Variants in DLGAP2 observed in about 807,000 individuals in gnomAD.
DLGAP2 encodes DLG associated protein 2, also known as disks large-associated protein 2.
In DLGAP2, 26 loss-of-function variants were observed where a neutral mutation model predicts 100.3. The ratio of observed to expected loss-of-function variants is 0.26; its 90% confidence interval spans 0.19 to 0.36. DLGAP2 has a LOEUF of 0.36. Among genes scored for constraint, DLGAP2 ranks in the 10% least tolerant of loss-of-function variants. The pLI is 1.00. For missense variants in DLGAP2, 1,858 were observed against 1,453.2 expected (o/e 1.28, Z -4.53); for synonymous variants, 886 against 630.1 (o/e 1.41, Z -6.08).
chr8:1,172,618 C>G (rs1487892726), intron 2 of DLGAP2, among the ~76,000 whole-genome samples: 1 of 152,144 alleles, frequency 6.6e-6, no homozygotes, highest in Non-Finnish European at 1.5e-5. Flanking sequence ...TCCCTTCTCA[C>G]TTCATTTCAT....
intron 8 of DLGAP2, among the ~76,000 whole-genome samples, chr8:1,641,534 G>C (rs74476163): frequency 1.3e-5 from 2 of 152,116 alleles, no homozygotes; most frequent in African/African-American, 2.4e-5. Flanking sequence ...CTAGAGCCAC[G>C]GGTTCCTGAC....
rs759602888 is a variant in DLGAP2, at chr8:1,548,651, G to A, written c.198G>A (p.Thr66=). ...DLDPQYSWSP[T]QHFNEERYSP... is the part of the protein sequence containing the mutation. ...ACCCGCAGTACTCATGGTCGCCCAC[G>A]CAGCACTTCAATGAGGAGCGCTACT... Residue 66 remains threonine, a synonymous_variant, in exon 5 of 15, where the codon ACG becomes ACA. Coordinates refer to ENST00000637795, the MANE Select transcript of DLGAP2 (RefSeq NM_001346810.2). The A allele has an allele frequency of 3.2e-6, 5 of 1,568,746 alleles. No homozygotes were observed. Among genetic ancestry groups the A allele is most frequent in the Non-Finnish European group, 4.3e-6 (5 of 1,158,362 alleles).
intron 3 of DLGAP2, among the ~76,000 whole-genome samples, chr8:1,333,139 C>T (rs1257136123): frequency 6.6e-6 from 1 of 152,156 alleles, no homozygotes; most frequent in Non-Finnish European, 1.5e-5. Context: ...CGGCTGCAGG[C>T]GTGAGCACAA....
chr8:1,094,002 C>G (rs776254083), intron 2 of DLGAP2, among the ~76,000 whole-genome samples: 14 of 108,208 alleles, frequency 1.3e-4, no homozygotes, highest in Non-Finnish European at 1.8e-4. Context: ...GGGCAGCTCC[C>G]CGGTGGAGGG....
intron 2 of DLGAP2, among the ~76,000 whole-genome samples, chr8:949,351 C>G (rs993898330): frequency 6.6e-6 from 1 of 152,194 alleles, no homozygotes; most frequent in Non-Finnish European, 1.5e-5. Flanking sequence ...AGACACCACG[C>G]TGGATAGTCC....
At chr8:1,543,103 G>T (rs1391472428) in intron 4 of DLGAP2, among the ~76,000 whole-genome samples, 4 of 152,198 alleles carry the variant, frequency 2.6e-5, no homozygotes, top group African/African-American at 9.7e-5. Flanking sequence ...CTGGATTCAA[G>T]TTCCTTCACA....
At chr8:1,216,973 A>G (rs1322930328) in intron 2 of DLGAP2, among the ~76,000 whole-genome samples, 1 of 151,960 alleles carries the variant, frequency 6.6e-6, no homozygotes, top group Non-Finnish European at 1.5e-5. Context: ...TTCAACTTTT[A>G]CCTTAGGTTT....
intron 2 of DLGAP2, among the ~76,000 whole-genome samples, chr8:944,285 C>T (rs1404300483): frequency 2.7e-5 from 4 of 150,332 alleles, no homozygotes; most frequent in African/African-American, 9.8e-5. Context: ...GGATTGTAAC[C>T]AGCCCATGTG....
chr8:1,528,097 C>A (rs980721649), intron 4 of DLGAP2, among the ~76,000 whole-genome samples: 1 of 152,252 alleles, frequency 6.6e-6, no homozygotes, highest in Non-Finnish European at 1.5e-5. Flanking sequence ...AGCCACTGCA[C>A]GGCAGTGACT....
At chr8:1,440,050 T>C (rs1175386040) in intron 3 of DLGAP2, among the ~76,000 whole-genome samples, 1 of 152,174 alleles carries the variant, frequency 6.6e-6, no homozygotes, top group Non-Finnish European at 1.5e-5. Flanking sequence ...GTTTAAAGAC[T>C]CTTCTCAACC....
chr8:740,444 A>T (rs879656632), intron 1 of DLGAP2: 3 of 152,212 alleles, frequency 2.0e-5, no homozygotes, highest in Admixed American at 6.5e-5. Flanking sequence ...TAGAATTCAG[A>T]TCACATGACA....
intron 3 of DLGAP2, among the ~76,000 whole-genome samples, chr8:1,459,878 G>C (rs1047043416): frequency 6.6e-6 from 1 of 151,972 alleles, no homozygotes; most frequent in Admixed American, 6.6e-5. Flanking sequence ...TAGAGACAGG[G>C]TTTCACCATG....
At chr8:1,443,735 A>G (rs1210462688) in intron 3 of DLGAP2, among the ~76,000 whole-genome samples, 1 of 152,110 alleles carries the variant, frequency 6.6e-6, no homozygotes, top group Non-Finnish European at 1.5e-5. Flanking sequence ...TACTACCATG[A>G]GAAGAGTATG....
At chr8:1,204,430 G>A (rs1797947200) in intron 2 of DLGAP2, among the ~76,000 whole-genome samples, 1 of 152,244 alleles carries the variant, frequency 6.6e-6, no homozygotes, top group South Asian at 2.1e-4. Context: ...GACCCCGGCT[G>A]GAAGCCAGGC....
rs185809470 is a variant in DLGAP2 at position 1,481,345 on chromosome 8, C to G, written c.107-20021C>G. On this transcript the variant is annotated intron_variant, in intron 3 of 14. Coordinates refer to ENST00000637795, the MANE Select transcript of DLGAP2 (RefSeq NM_001346810.2). Reference sequence around the variant, plus strand: ...TGAGCGTGACCGTTCAGAGACCAGCCTGGAGGTGGAGATAGAAAGATTTAC... The same window carrying G: ...TGAGCGTGACCGTTCAGAGACCAGCGTGGAGGTGGAGATAGAAAGATTTAC... Among the ~76,000 whole-genome samples the G allele has an allele frequency of 5.1e-3, 777 of 152,144 alleles. 2 individuals carry two copies. Among genetic ancestry groups the G allele is most frequent in the Non-Finnish European group, 8.2e-3 (560 of 68,002 alleles).
intron 2 of DLGAP2, among the ~76,000 whole-genome samples, chr8:1,146,415 C>G (rs1003508622): frequency 2.6e-5 from 4 of 152,202 alleles, no homozygotes; most frequent in African/African-American, 9.7e-5. Flanking sequence ...TTTTCATTCT[C>G]TTAAATGGAA....
At chr8:1,533,799 A>C (rs1801065638) in intron 4 of DLGAP2, among the ~76,000 whole-genome samples, 1 of 152,110 alleles carries the variant, frequency 6.6e-6, no homozygotes. Context: ...TCTACAAAAA[A>C]ATTAAAAAAT....
intron 3 of DLGAP2, among the ~76,000 whole-genome samples, chr8:1,356,644 A>G (rs942367221): frequency 1.3e-5 from 2 of 152,200 alleles, no homozygotes; most frequent in Non-Finnish European, 2.9e-5. Flanking sequence ...ACAGTGGGAT[A>G]TGGTGAAACC....
chr8:801,403 C>T (rs564320712), intron 1 of DLGAP2, among the ~76,000 whole-genome samples: 16 of 152,182 alleles, frequency 1.1e-4, no homozygotes, highest in African/African-American at 3.4e-4. Context: ...CATAAGGCCC[C>T]GTGGGCCCCA....
Sources: gnomAD v4.1 joint callset for allele counts (sites outside exome capture counted in the v4.1 genomes callset) on GRCh38, gnomAD v4.1.1 for gene constraint, MANE v1.5 for transcripts, NCBI Gene and HGNC (gene_info 2026-07-23, HGNC 2026-07-21) for gene names.